EPHA7: variants seen among roughly 807,000 people sequenced by gnomAD.
EPHA7 encodes EPH receptor A7, also known as ephrin type-A receptor 7.
A neutral mutation model predicts 112.6 loss-of-function variants in EPHA7; 25 were observed. The observed-to-expected ratio is 0.22, with a 90% CI of 0.16 to 0.31. The LOEUF is 0.31. Among genes scored for constraint, EPHA7 ranks in the 10% least tolerant of loss-of-function variants. The probability of loss-of-function intolerance (pLI) is 1.00; values close to 1 mark genes in which losing one functional copy is unlikely to be tolerated. For synonymous variants in EPHA7, 437 were observed against 406.5 expected, an observed-to-expected ratio of 1.07 and a Z score of -0.90; for missense variants, 962 against 1,212.6, an observed-to-expected ratio of 0.79 and a Z score of 3.07.
intron 3 of EPHA7, among the ~76,000 whole-genome samples, chr6:93,402,920 T>G (rs1191729627): frequency 6.6e-6 from 1 of 151,996 alleles, no homozygotes; most frequent in East Asian, 1.9e-4. Context: ...AAGGGTGAAA[T>G]GCCTTTTGTT....
At chr6:93,392,037 T>A (rs1777933990) in intron 3 of EPHA7, among the ~76,000 whole-genome samples, 1 of 151,978 alleles carries the variant, frequency 6.6e-6, no homozygotes, top group Admixed American at 6.6e-5. Flanking sequence ...CAATCTAAAT[T>A]TGTAAAAAAT....
At position 93,245,313 on chromosome 6, in the gene EPHA7, G is replaced by A. The variant is rs1266503068; in HGVS notation, c.2867C>T (p.Ala956Val). The A allele has an allele frequency of 1.2e-6, 2 of 1,612,506 alleles. No individual in the cohort carries two copies. Among genetic ancestry groups the A allele is most frequent in the Admixed American group, 1.7e-5 (1 of 59,940 alleles). The part of the protein sequence containing the change: ...AAGYNSLESV[A>V]RMTIEDVMSL... ...TTAAGCTTACTCAATAGTCATCCTG[G>A]CTACTGATTCAAGGGAATTGTAGCC... Residue 956 changes from alanine to valine, a missense_variant, in exon 16 of 17, where the codon GCC becomes GTC. Around this residue, in one of 3 missense-constraint regions of EPHA7, gnomAD observed 746 missense variants for 889.2 expected, o/e 0.84. Coordinates refer to ENST00000369303, the MANE Select transcript of EPHA7 (RefSeq NM_004440.4).
intron 5 of EPHA7, among the ~76,000 whole-genome samples, chr6:93,325,459 T>C (rs887104216): frequency 1.3e-5 from 2 of 151,308 alleles, no homozygotes; most frequent in Admixed American, 6.6e-5. Flanking sequence ...TGATCAATTG[T>C]CTAAAATTTT....
chr6:93,349,412 T>C (rs1775575094), intron 5 of EPHA7, among the ~76,000 whole-genome samples: 1 of 151,898 alleles, frequency 6.6e-6, no homozygotes, highest in Non-Finnish European at 1.5e-5. Flanking sequence ...CTCAGGTTTA[T>C]AAAATGTCTA....
intron 5 of EPHA7, among the ~76,000 whole-genome samples, chr6:93,303,818 G>A (rs1005311713): frequency 6.6e-6 from 1 of 152,122 alleles, no homozygotes; most frequent in East Asian, 1.9e-4. Flanking sequence ...TTCTGTGAAT[G>A]TCCAAGGAAC....
intron 3 of EPHA7, among the ~76,000 whole-genome samples, chr6:93,373,940 C>T (rs962151791): frequency 5.3e-5 from 8 of 151,892 alleles, no homozygotes; most frequent in South Asian, 2.1e-4. Context: ...TTCATAAATA[C>T]ATCAATTAAT....
chr6:93,256,859 T>C, intron 12 of EPHA7, among the ~76,000 whole-genome samples: 1 of 152,168 alleles, frequency 6.6e-6, no homozygotes. Context: ...GCATGTTCTC[T>C]TTTTCTTTAG....
chr6:93,339,129 A>C (rs1775019944), intron 5 of EPHA7, among the ~76,000 whole-genome samples: 1 of 151,584 alleles, frequency 6.6e-6, no homozygotes, highest in Non-Finnish European at 1.5e-5. Flanking sequence ...ACTGGCAATA[A>C]AATAAGTTTT....
intron 1 of EPHA7, among the ~76,000 whole-genome samples, chr6:93,414,975 A>G (rs1199496309): frequency 6.6e-6 from 1 of 151,996 alleles, no homozygotes; most frequent in East Asian, 1.9e-4. Flanking sequence ...CACCAATATT[A>G]TATTTGGTAT....
At chr6:93,332,516 T>C (rs890889297) in intron 5 of EPHA7, among the ~76,000 whole-genome samples, 2 of 148,514 alleles carry the variant, frequency 1.3e-5, no homozygotes, top group East Asian at 3.9e-4. Context: ...ATGCAATTTA[T>C]AGGAACTCAA....
chr6:93,253,278 G>T lies in EPHA7; in HGVS notation c.2532+1369C>A, dbSNP rs555873126. ...ACTCATCATTTAGACTTTTATCTTT[G>T]AAAAACAAAAACAAAACAAAAAGCA... is the stretch of plus-strand genomic sequence containing the variant. On this transcript the variant is annotated intron_variant, in intron 14 of 16. Coordinates refer to ENST00000369303, the MANE Select transcript of EPHA7 (RefSeq NM_004440.4). 4.0e-5 allele frequency among the ~76,000 whole-genome samples: 6 copies of T among 151,892 alleles called. No individual in the cohort carries two copies. In the East Asian group the frequency reaches 1.2e-3, roughly 29 times the overall value.
intron 5 of EPHA7, among the ~76,000 whole-genome samples, chr6:93,333,599 T>C (rs186227041): frequency 7.9e-5 from 12 of 152,114 alleles, no homozygotes; most frequent in Admixed American, 3.9e-4. Flanking sequence ...CTCATTGCAA[T>C]TCTGATTTGC....
Position 93,256,015 on chromosome 6 carries a change from A to T in EPHA7, c.2195T>A (p.Val732Asp). 2 of 1,614,078 alleles carry T rather than the reference A, an allele frequency of 1.2e-6. No homozygotes were observed. The highest frequency in any genetic ancestry group is 1.7e-6 in the Non-Finnish European group (2 of 1,179,994). The change falls in exon 13 of 17, where the codon GTC becomes GAC. Residue 732 changes from valine to aspartate, a missense_variant. Val to Asp is a radical substitution (Grantham distance 152). Around this residue, in one of 3 missense-constraint regions of EPHA7, gnomAD observed 746 missense variants for 889.2 expected, o/e 0.84. Transcript: ENST00000369303. ...FLRKHDGQFT[V>D]IQLVGMLRGI... The stretch of plus-strand genomic sequence containing the variant: ...TCTCAGCATTCCTACTAACTGAATG[A>T]CTGTAAATTGCCCATCATGTTTCTG...
intron 5 of EPHA7, among the ~76,000 whole-genome samples, chr6:93,308,064 GAA>G (rs1428127361): frequency 2.6e-5 from 4 of 152,094 alleles, no homozygotes; most frequent in Admixed American, 2.6e-4. Flanking sequence ...CTAGTGTGCA[GAA>G]AAAGCTAACA....
chr6:93,414,790 C>T, intron 1 of EPHA7, 23 bp from the exon 2 acceptor site: 2 of 1,598,790 alleles, frequency 1.3e-6, no homozygotes, highest in Middle Eastern at 1.7e-4. Flanking sequence ...GTTGTATTTC[C>T]ATATGTTACA....
intron 5 of EPHA7, among the ~76,000 whole-genome samples, chr6:93,339,924 A>G (rs1353535988): frequency 2.6e-5 from 4 of 151,888 alleles, no homozygotes; most frequent in South Asian, 2.1e-4. Context: ...CTTTATCTAT[A>G]TAAGTCAGAT....
At chr6:93,306,810 C>G (rs1025372436) in intron 5 of EPHA7, among the ~76,000 whole-genome samples, 1 of 151,764 alleles carries the variant, frequency 6.6e-6, no homozygotes, top group Non-Finnish European at 1.5e-5. Flanking sequence ...CAATTTGAAC[C>G]GAATTATGAC....
chr6:93,299,793 G>T (rs345715), intron 5 of EPHA7, among the ~76,000 whole-genome samples: 7 of 152,144 alleles, frequency 4.6e-5, no homozygotes, highest in Non-Finnish European at 8.8e-5. Flanking sequence ...CTATGCAGCC[G>T]TAAAAAAGAA....
chr6:93,275,739 G>A (rs1210077073), intron 5 of EPHA7, among the ~76,000 whole-genome samples: 1 of 151,898 alleles, frequency 6.6e-6, no homozygotes, highest in Non-Finnish European at 1.5e-5. Flanking sequence ...GTAAATTTGT[G>A]GAATGGGTTT....
Sources: allele counts gnomAD v4.1 joint callset (sites outside exome capture counted in the v4.1 genomes callset), GRCh38; gene constraint gnomAD v4.1.1; regional missense constraint gnomAD v4.1.1; transcripts MANE v1.5; gene names NCBI Gene and HGNC (gene_info 2026-07-23, HGNC 2026-07-21).